Variants in CPE observed in about 807,000 individuals in gnomAD.
CPE encodes carbocypeptidase E.
In CPE, 17 loss-of-function variants were observed where a neutral mutation model predicts 53.5. The ratio of observed to expected loss-of-function variants is 0.32; its 90% CI spans 0.22 to 0.48. The LOEUF is 0.48. CPE is among the 20% of genes least tolerant of loss of function. The pLI, the probability that CPE is intolerant of heterozygous loss-of-function variation, is 0.99. For missense variants in CPE, 524 were observed against 614.7 expected (o/e 0.85, Z 1.56); for synonymous variants, 226 against 228.8 (o/e 0.99, Z 0.11).
chr4:165,425,351 A>G (rs1560878036), intron 1 of CPE, among the ~76,000 whole-genome samples: 1 of 151,198 alleles, frequency 6.6e-6, no homozygotes. Flanking sequence ...AAAAATTACT[A>G]TTTCTTCTTC....
chr4:165,386,166 A>G (rs978817602), intron 1 of CPE: 1 of 485,064 alleles, frequency 2.1e-6, no homozygotes, highest in Admixed American at 2.6e-5. Flanking sequence ...ATGAGGTGGT[A>G]AATATAAAGT....
At chr4:165,429,312 A>G (rs975141988) in intron 1 of CPE, among the ~76,000 whole-genome samples, 17 of 152,164 alleles carry the variant, frequency 1.1e-4, no homozygotes, top group Non-Finnish European at 2.4e-4. Flanking sequence ...TAGGTTAACA[A>G]TTTTCTGTGT....
intron 1 of CPE, among the ~76,000 whole-genome samples, chr4:165,401,042 A>T (rs1453081092): frequency 3.4e-5 from 5 of 147,394 alleles, no homozygotes; most frequent in Non-Finnish European, 7.4e-5. Flanking sequence ...ATCTTACTTG[A>T]CCTTATTTGA....
chr4:165,473,686 A>G (rs1255631879), intron 3 of CPE, among the ~76,000 whole-genome samples: 2 of 152,244 alleles, frequency 1.3e-5, no homozygotes, highest in African/African-American at 4.8e-5. Flanking sequence ...CTTGGAAAGC[A>G]TATTTTTGCC....
intron 1 of CPE, among the ~76,000 whole-genome samples, chr4:165,437,956 G>A (rs539208240): frequency 6.6e-6 from 1 of 152,260 alleles, no homozygotes; most frequent in African/African-American, 2.4e-5. Context: ...ATCAGAAAGT[G>A]TCTGGAGGGG....
chr4:165,381,531 T>C (rs1730505003), intron 1 of CPE: 3 of 293,856 alleles, frequency 1.0e-5, no homozygotes, highest in Non-Finnish European at 2.0e-5. Flanking sequence ...TTGTACAATA[T>C]GTACTTTACA....
At chr4:165,497,219 C>A (rs919850400) in intron 8 of CPE, among the ~76,000 whole-genome samples, 7 of 152,148 alleles carry the variant, frequency 4.6e-5, no homozygotes, top group Admixed American at 4.6e-4. Context: ...CGCGCCTGGC[C>A]AGTTACATCT....
chr4:165,490,555 C>G (rs1732582751), intron 6 of CPE, among the ~76,000 whole-genome samples: 1 of 150,196 alleles, frequency 6.7e-6, no homozygotes, highest in Non-Finnish European at 1.5e-5. Context: ...ATGGCATGAA[C>G]CCGGGAGGCG....
rs190795431 is a variant in CPE, at chr4:165,413,264, C to T, written c.307+33736C>T. ...TAGTGTGTTGTAATTGCATGTCCAACGCCACTTTTCCTGAGTCCACGGGCC... is the reference window on the plus strand; with the variant it reads ...TAGTGTGTTGTAATTGCATGTCCAATGCCACTTTTCCTGAGTCCACGGGCC... On this transcript the variant is annotated intron_variant, in intron 1 of 8. Transcript: ENST00000402744. 1.8e-3 allele frequency among the ~76,000 whole-genome samples: 279 copies of T among 152,248 alleles called. 1 individual carries two copies. The highest frequency in any genetic ancestry group is 3.4e-3 in the Middle Eastern group (1 of 294).
chr4:165,473,155 T>A (rs72703693), intron 3 of CPE, among the ~76,000 whole-genome samples: 22,059 of 152,082 alleles, frequency 0.15, 1,915 homozygotes, highest in East Asian at 0.23. Flanking sequence ...ATAAATTCTC[T>A]TTCACAGATC....
At position 165,464,552 on chromosome 4, in the gene CPE, T is replaced by C; in HGVS notation, c.470T>C (p.Leu157Pro). The stretch of plus-strand genomic sequence containing the variant: ...ACCCGCATTCACATCATGCCTTCCC[T>C]GAACCCAGATGGCTTTGAGAAGGCA... ...HSTRIHIMPS[L>P]NPDGFEKAAS... The change falls in exon 2 of 9, where the codon CTG (leucine) becomes CCG (proline). Residue 157 changes from leucine to proline, a missense_variant. Leu to Pro is a moderately conservative substitution (Grantham distance 98). Coordinates refer to ENST00000402744, the MANE Select transcript of CPE (RefSeq NM_001873.4). The C allele has an allele frequency of 6.2e-7, 1 of 1,612,898 alleles. No homozygotes were observed. The highest frequency in any genetic ancestry group is 8.5e-7 in the Non-Finnish European group (1 of 1,179,376).
chr4:165,445,178 A>G (rs1159493886), intron 1 of CPE, among the ~76,000 whole-genome samples: 2 of 152,062 alleles, frequency 1.3e-5, no homozygotes, highest in African/African-American at 4.8e-5. Context: ...CTGGTCTCGA[A>G]CTCATGACCT....
At chr4:165,409,106 AGTGGGTG>A (rs2126666655) in intron 1 of CPE, among the ~76,000 whole-genome samples, 1 of 152,244 alleles carries the variant, frequency 6.6e-6, no homozygotes, top group Admixed American at 6.5e-5. Context: ...TATATGGCGG[AGTGGGTG>A]GTGGTTCCGG....
intron 1 of CPE, chr4:165,404,921 AGAG>A: frequency 1.3e-6 from 1 of 760,392 alleles, no homozygotes; most frequent in South Asian, 1.3e-5. Context: ...ACTGACTGGG[AGAG>A]GAGATGTGTT....
chr4:165,431,405 G>A (rs1731407328), intron 1 of CPE, among the ~76,000 whole-genome samples: 1 of 152,162 alleles, frequency 6.6e-6, no homozygotes, highest in Non-Finnish European at 1.5e-5. Flanking sequence ...GAGAGGAAAG[G>A]AGAAAGGGAG....
chr4:165,397,230 C>A (rs1242009154), intron 1 of CPE, among the ~76,000 whole-genome samples: 1 of 152,030 alleles, frequency 6.6e-6, no homozygotes, highest in Non-Finnish European at 1.5e-5. Flanking sequence ...TATTATTGCT[C>A]ACCCTTAAAT....
At chr4:165,403,743 C>T (rs1730908767) in intron 1 of CPE, among the ~76,000 whole-genome samples, 1 of 151,634 alleles carries the variant, frequency 6.6e-6, no homozygotes, top group Non-Finnish European at 1.5e-5. Context: ...GCCCTCACCA[C>T]CCCTGGCCAC....
intron 1 of CPE, among the ~76,000 whole-genome samples, chr4:165,384,094 G>A (rs578240840): frequency 5.3e-5 from 8 of 152,244 alleles, no homozygotes; most frequent in Middle Eastern, 3.4e-3. Flanking sequence ...GTCTTACCAC[G>A]GGGCGAAATC....
rs547219273 is a variant in CPE at position 165,437,217 on chromosome 4, A to G, written c.308-27173A>G. On this transcript the variant is annotated intron_variant, in intron 1 of 8. Transcript: ENST00000402744. The stretch of plus-strand genomic sequence containing the variant: ...CAGTTGCTGAGGTCAGAGATGAAGA[A>G]TAGTGATTCTAAGCCCTGGGTCAGA... 2.2e-4 allele frequency among the ~76,000 whole-genome samples: 34 copies of G among 152,332 alleles called. No individual in the cohort carries two copies. The South Asian group carries it at 6.8e-3, about 31-fold the overall frequency.
Sources: gnomAD v4.1 joint callset for allele counts (sites outside exome capture counted in the v4.1 genomes callset) on GRCh38, gnomAD v4.1.1 for gene constraint, MANE v1.5 for transcripts, NCBI Gene and HGNC (gene_info 2026-07-23, HGNC 2026-07-21) for gene names.